The following SCRG1 variants were observed in gnomAD, a reference collection of about 807,000 sequenced individuals.
SCRG1 encodes stimulator of chondrogenesis 1.
A neutral mutation model predicts 7.7 loss-of-function variants in SCRG1; 3 were observed. That is an observed-to-expected ratio of 0.39 (90% CI 0.18 to 1.01). The LOEUF is 1.01. SCRG1 is among the 50% of genes least tolerant of loss of function. SCRG1 has a pLI of 0.36. For synonymous variants in SCRG1, 46 were observed against 41.2 expected (o/e 1.12, Z -0.44); for missense variants, 110 against 117.2 (o/e 0.94, Z 0.28).
upstream of SCRG1, among the ~76,000 whole-genome samples, chr4:173,407,214 A>C (rs1374503847): frequency 7.3e-6 from 1 of 137,552 alleles, no homozygotes; most frequent in Non-Finnish European, 1.6e-5. Flanking sequence ...TCTCAAAAAA[A>C]AAAAAAAATA....
the SCRG1 span, among the ~76,000 whole-genome samples, chr4:173,420,855 T>C: frequency 6.6e-6 from 1 of 152,220 alleles, no homozygotes. Flanking sequence ...TTATTGTCAA[T>C]TGCAAGCTAT....
chr4:173,415,616 A>G, the SCRG1 span, among the ~76,000 whole-genome samples: 1 of 152,206 alleles, frequency 6.6e-6, no homozygotes, highest in Non-Finnish European at 1.5e-5. Flanking sequence ...TCTGTCTCCA[A>G]ACGACCTTTA....
the SCRG1 span, among the ~76,000 whole-genome samples, chr4:173,423,951 A>C: frequency 6.6e-6 from 1 of 152,302 alleles, no homozygotes; most frequent in African/African-American, 2.4e-5. Flanking sequence ...AATAGAAAAT[A>C]ACTTACCCTT....
the SCRG1 span, among the ~76,000 whole-genome samples, chr4:173,487,181 G>C: frequency 6.6e-6 from 1 of 152,104 alleles, no homozygotes; most frequent in South Asian, 2.1e-4. Context: ...TACTAATTGA[G>C]GCAAATCATG....
chr4:173,427,728 T>G, the SCRG1 span, among the ~76,000 whole-genome samples: 2 of 152,206 alleles, frequency 1.3e-5, no homozygotes, highest in African/African-American at 4.8e-5. Flanking sequence ...GGCCTTTTCT[T>G]GGCATATCTG....
chr4:173,458,336 A>G, the SCRG1 span, among the ~76,000 whole-genome samples: 16,599 of 152,286 alleles, frequency 0.11, 966 homozygotes, highest in African/African-American at 0.13. Flanking sequence ...AATGCAAGTT[A>G]CATATGTAAT....
the SCRG1 span, among the ~76,000 whole-genome samples, chr4:173,473,267 C>G: frequency 1.2e-4 from 19 of 152,306 alleles, no homozygotes; most frequent in African/African-American, 4.6e-4. Flanking sequence ...CAAGGTGGGA[C>G]AGCCAAATAA....
the SCRG1 span, among the ~76,000 whole-genome samples, chr4:173,476,361 A>ATATAT: frequency 0.18 from 9,351 of 51,324 alleles, 731 homozygotes; most frequent in Non-Finnish European, 0.29. Flanking sequence ...GGGGAAAAAA[A>ATATAT]AAATATATAT....
At chr4:173,507,195 T>C in the SCRG1 span, among the ~76,000 whole-genome samples, 1 of 147,226 alleles carries the variant, frequency 6.8e-6, no homozygotes, top group Non-Finnish European at 1.5e-5. This position sits in a 1 kb window ranked among gnomAD's most constrained non-coding sequence, Gnocchi z 4.4. Context: ...GGCCCTGTTT[T>C]TCTGTTTGTT....
At chr4:173,485,108 AT>A in the SCRG1 span, among the ~76,000 whole-genome samples, 7 of 16,192 alleles carry the variant, frequency 4.3e-4, 1 homozygote, top group African/African-American at 9.5e-4. Context: ...TATATTATAT[AT>A]TATATAATAT....
At chr4:173,476,363 A>AAAAAAAAATATAT in the SCRG1 span, among the ~76,000 whole-genome samples, 8 of 98,484 alleles carry the variant, frequency 8.1e-5, 1 homozygote, top group Non-Finnish European at 1.4e-4. Context: ...GGAAAAAAAA[A>AAAAAAAAATATAT]ATATATATAT....
At position 173,388,191 on chromosome 4, in the gene SCRG1, G is replaced by A; in HGVS notation, c.*150C>T. Reference sequence around the variant, plus strand: ...ATTGAATTAACTTTTATTACTACTTGTTTAACACAGATTTACTTGTCTTAG... The same window carrying A: ...ATTGAATTAACTTTTATTACTACTTATTTAACACAGATTTACTTGTCTTAG... On this transcript the variant is annotated 3_prime_UTR_variant, in exon 3 of 3. Transcript: ENST00000296506. 2.0e-6 allele frequency: 1 copy of A among 498,564 alleles called. No homozygotes were observed. Among genetic ancestry groups the A allele is most frequent in the Admixed American group, 4.0e-5 (1 of 24,696 alleles). 30.9% of individuals were successfully genotyped at this position (498,564 alleles called of 1,614,324 possible).
chr4:173,482,726 G>A, the SCRG1 span, among the ~76,000 whole-genome samples: 1 of 151,564 alleles, frequency 6.6e-6, no homozygotes, highest in African/African-American at 2.4e-5. Context: ...GCTGAGGCCA[G>A]AGGACCACAT....
chr4:173,477,704 T>C, the SCRG1 span, among the ~76,000 whole-genome samples: 1 of 146,514 alleles, frequency 6.8e-6, no homozygotes. Flanking sequence ...TTCTTTTTTT[T>C]CCCTTCCTTC....
chr4:173,446,121 TATAAG>T, the SCRG1 span, among the ~76,000 whole-genome samples: 1 of 152,168 alleles, frequency 6.6e-6, no homozygotes, highest in Non-Finnish European at 1.5e-5. Flanking sequence ...GATACAGAAT[TATAAG>T]ATAATGGTTT....
At chr4:173,389,309 C>T (rs568626666) in intron 2 of SCRG1, among the ~76,000 whole-genome samples, 23 of 152,152 alleles carry the variant, frequency 1.5e-4, no homozygotes, top group Non-Finnish European at 2.6e-4. Context: ...CCAAGGCGGG[C>T]AGATCACGAG....
upstream of SCRG1, among the ~76,000 whole-genome samples, chr4:173,403,624 A>AC (rs1470137509): frequency 2.0e-5 from 3 of 152,190 alleles, no homozygotes; most frequent in African/African-American, 7.2e-5. Flanking sequence ...CAAGAAAACT[A>AC]TCCACTTTTA....
the SCRG1 span, among the ~76,000 whole-genome samples, chr4:173,485,138 TACATATAATGTA>T: frequency 3.0e-4 from 13 of 43,618 alleles, 3 homozygotes; most frequent in African/African-American, 9.7e-4. Context: ...TCATATATAT[TACATATAATGTA>T]ATATATAATA....
the SCRG1 span, among the ~76,000 whole-genome samples, chr4:173,506,677 G>A: frequency 2.6e-5 from 4 of 152,290 alleles, no homozygotes; most frequent in Middle Eastern, 6.8e-3. The surrounding 1 kb of genome is among the most constrained non-coding windows in gnomAD (Gnocchi z 5.3). Context: ...CGGGGTTGTG[G>A]AGGAGCGACG....
Sources: gnomAD v4.1 joint callset for allele counts (sites outside exome capture counted in the v4.1 genomes callset) on GRCh38, gnomAD v4.1.1 for gene constraint, Gnocchi (gnomAD v3.1) non-coding constraint, MANE v1.5 for transcripts, NCBI Gene and HGNC (gene_info 2026-07-23, HGNC 2026-07-21) for gene names.